Variants in TRMT44 observed in about 807,000 individuals in gnomAD.
TRMT44 encodes the protein tRNA methyltransferase 44 homolog.
In TRMT44, 78 loss-of-function variants were observed where a neutral mutation model predicts 77.3. The ratio of observed to expected loss-of-function variants is 1.01; its 90% CI spans 0.84 to 1.22. The LOEUF (loss-of-function observed/expected upper bound fraction) is 1.22, where lower values mean the gene tolerates loss of function less well. Among genes scored for constraint, TRMT44 ranks in the 50% most tolerant of loss-of-function variants. The pLI is 0.00. For synonymous variants in TRMT44, 391 were observed against 383.3 expected (o/e 1.02, Z -0.23); for missense variants, 1,090 against 964.4 (o/e 1.13, Z -1.73).
intron 2 of TRMT44, among the ~76,000 whole-genome samples, chr4:8,448,076 C>T (rs529730979): frequency 1.3e-5 from 2 of 152,062 alleles, no homozygotes; most frequent in Non-Finnish European, 2.9e-5. Context: ...TGCTCTTTAA[C>T]GAGCTACTGA....
At chr4:8,489,786 A>T (rs1727937317) in intron 2 of TRMT44, among the ~76,000 whole-genome samples, 1 of 152,182 alleles carries the variant, frequency 6.6e-6, no homozygotes, top group South Asian at 2.1e-4. Context: ...CCTAGGCTGT[A>T]GTTTAAATTA....
downstream of TRMT44, among the ~76,000 whole-genome samples, chr4:8,480,337 T>G (rs1156555949): frequency 1.3e-5 from 2 of 152,160 alleles, no homozygotes; most frequent in Non-Finnish European, 2.9e-5. Flanking sequence ...ACTTGGGGTC[T>G]TATATATTGG....
intron 10 of TRMT44, among the ~76,000 whole-genome samples, chr4:8,475,374 CGGT>C (rs1727305831): frequency 6.6e-6 from 1 of 152,206 alleles, no homozygotes; most frequent in African/African-American, 2.4e-5. Flanking sequence ...GAGGGAAGGT[CGGT>C]GGCCTCAATG....
At chr4:8,493,481 T>C (rs1406814616) in exon 3 of TRMT44, 1 of 152,216 alleles carries the variant, frequency 6.6e-6, no homozygotes, top group Admixed American at 6.5e-5. Context: ...TCAGAGAGAC[T>C]GATTTGAATA....
At position 8,449,797 on chromosome 4, in the gene TRMT44, G is replaced by A; in HGVS notation, c.863G>A (p.Ser288Asn). ...LAKWSVENKK[S>N]DFKSTLSLIS... is the part of the protein sequence containing the mutation. ...AAGTGGTCTGTAGAGAACAAGAAGA[G>A]TGACTTTAAAAGCACCCTTTCCCTC... The change falls in exon 3 of 11, where the codon AGT (serine) becomes AAT (asparagine). Residue 288 changes from serine (S) to asparagine (N), a missense_variant. By Grantham distance (46) the Ser-to-Asn change is conservative (BLOSUM62 1). Coordinates refer to ENST00000389737, the MANE Select transcript of TRMT44 (RefSeq NM_152544.3). 3 of 1,535,980 alleles carry A rather than the reference G, an allele frequency of 2.0e-6. No homozygotes were observed. Among genetic ancestry groups the A allele is most frequent in the South Asian group, 1.2e-5 (1 of 84,054 alleles).
the TRMT44 span, among the ~76,000 whole-genome samples, chr4:8,515,880 A>G: frequency 6.6e-6 from 1 of 152,152 alleles, no homozygotes; most frequent in African/African-American, 2.4e-5. Context: ...GTACTTCTTC[A>G]TGTCTGTTAT....
At chr4:8,480,218 G>A (rs1020936576), downstream of TRMT44, among the ~76,000 whole-genome samples, 2 of 152,306 alleles carry the variant, frequency 1.3e-5, no homozygotes, top group African/African-American at 4.8e-5. Flanking sequence ...GCAAGTTTCC[G>A]AGCGGGAGTG....
intron 6 of TRMT44, among the ~76,000 whole-genome samples, chr4:8,463,201 TAAG>T (rs145208229): frequency 1.2e-3 from 187 of 152,298 alleles, no homozygotes; most frequent in African/African-American, 4.3e-3. Flanking sequence ...ACTGGAAAAT[TAAG>T]AAGATTTTCA....
At chr4:8,511,180 G>C in the TRMT44 span, among the ~76,000 whole-genome samples, 1 of 152,224 alleles carries the variant, frequency 6.6e-6, no homozygotes, top group Admixed American at 6.5e-5. Context: ...CAGATGCCCG[G>C]AGTGCCGTGA....
chr4:8,451,943 T>A lies in TRMT44; in HGVS notation c.955-17T>A. 1 of 1,536,312 alleles carries A rather than the reference T, an allele frequency of 6.5e-7. No individual in the cohort carries two copies. The highest frequency in any genetic ancestry group is 8.7e-7 in the Non-Finnish European group (1 of 1,146,684). The stretch of plus-strand genomic sequence containing the variant: ...GGGAAACCGAACAATTTATGTTTGC[T>A]CTTGAAACTGTTTTAGGTGTGGCCT... On this transcript the variant is annotated splice_polypyrimidine_tract_variant and intron_variant, in intron 3 of 10. Transcript: ENST00000389737. The surrounding 1 kb of genome is among the most constrained non-coding windows in gnomAD (Gnocchi z 4.1).
the TRMT44 span, among the ~76,000 whole-genome samples, chr4:8,500,303 C>T: frequency 6.6e-6 from 1 of 152,006 alleles, no homozygotes; most frequent in Non-Finnish European, 1.5e-5. Context: ...ACCAGCCTGG[C>T]CAATATCGTG....
At chr4:8,469,256 T>C (rs1726818274) in intron 9 of TRMT44, among the ~76,000 whole-genome samples, 1 of 145,724 alleles carries the variant, frequency 6.9e-6, no homozygotes, top group African/African-American at 2.7e-5. Flanking sequence ...TCTAGCCATC[T>C]GGCGAGAGTG....
chr4:8,459,554 CT>C (rs1009028837), intron 6 of TRMT44, among the ~76,000 whole-genome samples: 23 of 152,310 alleles, frequency 1.5e-4, no homozygotes, highest in African/African-American at 5.3e-4. Flanking sequence ...CTACATAAAT[CT>C]TTGTGTGTAA....
At chr4:8,477,080 C>A (rs1049162622), downstream of TRMT44, 1 of 152,360 alleles carries the variant, frequency 6.6e-6, no homozygotes. Context: ...TGGTTTTATA[C>A]AAAAGGTCAC....
chr4:8,484,574 T>C (rs1727745079), intron 2 of TRMT44, among the ~76,000 whole-genome samples: 1 of 152,074 alleles, frequency 6.6e-6, no homozygotes, highest in African/African-American at 2.4e-5. Context: ...TCCCGGTCCT[T>C]GTGTAAGAAT....
downstream of TRMT44, among the ~76,000 whole-genome samples, chr4:8,494,210 G>C (rs975569067): frequency 6.6e-6 from 1 of 151,836 alleles, no homozygotes; most frequent in East Asian, 1.9e-4. Context: ...TGGCTGCATA[G>C]GTTTTAAAAA....
chr4:8,490,590 C>T (rs1727966486), intron 2 of TRMT44, among the ~76,000 whole-genome samples: 1 of 151,496 alleles, frequency 6.6e-6, no homozygotes, highest in African/African-American at 2.4e-5. Flanking sequence ...GTTCATTCCT[C>T]CCCGTGGGCT....
At chr4:8,486,169 T>G (rs991795884) in intron 2 of TRMT44, among the ~76,000 whole-genome samples, 1 of 152,178 alleles carries the variant, frequency 6.6e-6, no homozygotes, top group African/African-American at 2.4e-5. Context: ...CCCGCACAGA[T>G]GGGACACAGC....
At position 8,471,217 on chromosome 4, in the gene TRMT44, T is replaced by TC; in HGVS notation, c.2044+22dup. On this transcript the variant is annotated intron_variant, in intron 10 of 10. Transcript: ENST00000389737. ...TGTTCCAAGGTACGGAGTCCGCCTC[T>TC]CCCCCGCCGTTCTTTCCTTCTTTTT... 6.8e-7 allele frequency: 1 copy of TC among 1,476,400 alleles called. No individual in the cohort carries two copies. The highest frequency in any genetic ancestry group is 9.2e-7 in the Non-Finnish European group (1 of 1,085,378). The allele number at this position is 1,476,400 out of a possible 1,614,324, so 91.5% of individuals were successfully genotyped here. A position where few individuals can be genotyped will look rare whatever the true frequency, so the allele number is the denominator to read the frequency against.
Sources: gnomAD v4.1 joint callset for allele counts (sites outside exome capture counted in the v4.1 genomes callset) on GRCh38, gnomAD v4.1.1 for gene constraint, Gnocchi (gnomAD v3.1) non-coding constraint, MANE v1.5 for transcripts, NCBI Gene and HGNC (gene_info 2026-07-23, HGNC 2026-07-21) for gene names.